The following XKR6 variants were observed in gnomAD, a reference collection of about 807,000 sequenced individuals.
The protein encoded by XKR6 is XK related 6, also known as XK-related protein 6.
Under a neutral mutation model 56.7 loss-of-function variants are expected in XKR6, and 22 were observed. That is an observed-to-expected ratio of 0.39 (90% CI 0.28 to 0.55). The LOEUF (loss-of-function observed/expected upper bound fraction) is 0.55. Ranked by LOEUF, XKR6 falls within the 20% of genes least tolerant of loss-of-function variation. The pLI is 0.66. For missense variants in XKR6, 852 were observed against 889.0 expected (o/e 0.96, Z 0.53); for synonymous variants, 524 against 387.8 (o/e 1.35, Z -4.13).
In XKR6 at chr8:10,960,749, A is replaced by T. The variant is rs1802036496; in HGVS notation, c.765-35919T>A. On this transcript the variant is annotated intron_variant, in intron 1 of 2. Transcript: ENST00000416569. ...GCCTCACATTCCCAAGGCAGGAGGT[A>T]TCATTCCCTCTCACTCCCTCATCTA... 2.0e-5 allele frequency among the ~76,000 whole-genome samples: 3 copies of T among 152,314 alleles called. No individual in the cohort carries two copies. The South Asian group carries it at 6.2e-4, about 32-fold the overall frequency.
intron 1 of XKR6, among the ~76,000 whole-genome samples, chr8:11,179,573 A>T (rs912513893): frequency 4.6e-5 from 7 of 152,110 alleles, no homozygotes; most frequent in African/African-American, 1.7e-4. Flanking sequence ...AAAACACTAG[A>T]GTTTCAGTCC....
intron 1 of XKR6, among the ~76,000 whole-genome samples, chr8:10,975,811 G>A (rs546941113): frequency 2.2e-4 from 34 of 152,134 alleles, no homozygotes; most frequent in Admixed American, 7.2e-4. Context: ...AGGGAGACTT[G>A]GGTTCAGATT....
chr8:11,150,570 A>T (rs1219926966), intron 1 of XKR6, among the ~76,000 whole-genome samples: 1 of 152,106 alleles, frequency 6.6e-6, no homozygotes, highest in Non-Finnish European at 1.5e-5. Flanking sequence ...AATTCCTTCC[A>T]GGCTGGGCGT....
At chr8:11,087,251 G>T (rs1033074056) in intron 1 of XKR6, among the ~76,000 whole-genome samples, 1 of 152,186 alleles carries the variant, frequency 6.6e-6, no homozygotes, top group African/African-American at 2.4e-5. Context: ...CACTGTCCCA[G>T]CAAAGATCCC....
chr8:11,124,923 TAA>T (rs750680238), intron 1 of XKR6: 20 of 119,544 alleles, frequency 1.7e-4, no homozygotes, highest in South Asian at 3.0e-4. Flanking sequence ...TCACTACTAT[TAA>T]AAAAAAAAAA....
chr8:10,967,254 A>T (rs1802254427), intron 1 of XKR6, among the ~76,000 whole-genome samples: 1 of 152,226 alleles, frequency 6.6e-6, no homozygotes, highest in African/African-American at 2.4e-5. Context: ...TAAACTAGGC[A>T]ACAACACATC....
At chr8:11,013,542 C>A (rs1218217918) in intron 1 of XKR6, among the ~76,000 whole-genome samples, 2 of 152,184 alleles carry the variant, frequency 1.3e-5, no homozygotes, top group African/African-American at 4.8e-5. Context: ...TTTGTACCAG[C>A]AATTTGTTGC....
chr8:11,011,566 A>C (rs140881703), intron 1 of XKR6, among the ~76,000 whole-genome samples: 35 of 152,390 alleles, frequency 2.3e-4, no homozygotes, highest in Non-Finnish European at 3.8e-4. Flanking sequence ...GAAACAGGAC[A>C]AAAACCTCTG....
At chr8:11,048,487 C>G (rs1358967949) in intron 1 of XKR6, among the ~76,000 whole-genome samples, 1 of 152,140 alleles carries the variant, frequency 6.6e-6, no homozygotes, top group African/African-American at 2.4e-5. Context: ...TATAGCAATA[C>G]CAGACAGCAA....
At chr8:11,178,341 G>C (rs1442879350) in intron 1 of XKR6, among the ~76,000 whole-genome samples, 5 of 151,562 alleles carry the variant, frequency 3.3e-5, no homozygotes, top group African/African-American at 1.2e-4. Flanking sequence ...AAAAACATAA[G>C]GTATTAAAAA....
intron 1 of XKR6, among the ~76,000 whole-genome samples, chr8:11,006,234 G>C (rs1289488420): frequency 6.6e-6 from 1 of 152,186 alleles, no homozygotes; most frequent in Non-Finnish European, 1.5e-5. Context: ...ATGAGCTGGG[G>C]AGAGAACAAA....
At chr8:11,083,634 T>A (rs969697720) in intron 1 of XKR6, among the ~76,000 whole-genome samples, 1 of 152,178 alleles carries the variant, frequency 6.6e-6, no homozygotes, top group African/African-American at 2.4e-5. Flanking sequence ...AATGAGTTCA[T>A]AGAGAAAAAG....
chr8:10,912,074 T>C (rs914338909), intron 2 of XKR6, among the ~76,000 whole-genome samples: 1 of 147,172 alleles, frequency 6.8e-6, no homozygotes. Flanking sequence ...CGTGTATACA[T>C]AGAGAGGGTA....
At chr8:10,947,590 C>G (rs1310725076) in intron 1 of XKR6, among the ~76,000 whole-genome samples, 1 of 152,156 alleles carries the variant, frequency 6.6e-6, no homozygotes, top group African/African-American at 2.4e-5. Context: ...TATCCACACC[C>G]AAAGAAGGAG....
chr8:11,028,229 G>T (rs148475792), intron 1 of XKR6, among the ~76,000 whole-genome samples: 1 of 152,186 alleles, frequency 6.6e-6, no homozygotes, highest in African/African-American at 2.4e-5. Flanking sequence ...AGCCTTTTCA[G>T]GGTGGCGTCC....
intron 1 of XKR6, among the ~76,000 whole-genome samples, chr8:11,020,054 G>A (rs552474847): frequency 1.3e-5 from 2 of 152,200 alleles, no homozygotes; most frequent in South Asian, 2.1e-4. Flanking sequence ...CAGAGCAGAG[G>A]ACAGGAGATG....
intron 1 of XKR6, among the ~76,000 whole-genome samples, chr8:11,067,940 C>A (rs999129434): frequency 6.6e-6 from 1 of 152,206 alleles, no homozygotes; most frequent in African/African-American, 2.4e-5. Context: ...GACAGGATGC[C>A]CTCATCGGTC....
chr8:11,165,207 C>G (rs1802011840), intron 1 of XKR6, among the ~76,000 whole-genome samples: 1 of 140,740 alleles, frequency 7.1e-6, no homozygotes, highest in Non-Finnish European at 1.5e-5. Flanking sequence ...TCAAATGATT[C>G]TCCTGCCTCA....
rs528941310 is a variant in XKR6 at position 11,174,840 on chromosome 8, G to A, written c.764+25736C>T. ...AAGCACAAGAGAACGGATGATCAAC[G>A]GACCCCTTCACCTTTTCAAATGCCC... On this transcript the variant is annotated intron_variant, in intron 1 of 2. Transcript: ENST00000416569. Among the ~76,000 whole-genome samples, 6 of 152,248 alleles carry A rather than the reference G, an allele frequency of 3.9e-5. No individual in the cohort carries two copies. In the South Asian group the frequency reaches 6.2e-4, roughly 16 times the overall value.
Sources: gnomAD v4.1 joint callset for allele counts (sites outside exome capture counted in the v4.1 genomes callset) on GRCh38, gnomAD v4.1.1 for gene constraint, MANE v1.5 for transcripts, NCBI Gene and HGNC (gene_info 2026-07-23, HGNC 2026-07-21) for gene names.